The following ERC2 variants were observed in gnomAD, a reference collection of about 807,000 sequenced individuals.
ERC2 encodes the protein ELKS/RAB6-interacting/CAST family member 2.
Under a neutral mutation model 114.8 loss-of-function variants are expected in ERC2, and 42 were observed. The observed-to-expected ratio is 0.37, with a 90% CI of 0.29 to 0.47. ERC2 has a LOEUF of 0.47. Among genes scored for constraint, ERC2 ranks in the 20% least tolerant of loss-of-function variants. The probability of loss-of-function intolerance (pLI) is 0.99; values close to 1 mark genes in which losing one functional copy is unlikely to be tolerated. For missense variants in ERC2, 939 were observed against 1,150.7 expected, an observed-to-expected ratio of 0.82 and a Z score of 2.66; for synonymous variants, 454 against 425.5, an observed-to-expected ratio of 1.07 and a Z score of -0.82.
intron 7 of ERC2, 50 bp from the exon 8 acceptor site, chr3:56,019,081 G>T (rs754015525): frequency 5.5e-5 from 79 of 1,424,034 alleles, no homozygotes; most frequent in Non-Finnish European, 4.6e-5. Flanking sequence ...CATATCCTAG[G>T]CCAAAATTCC....
chr3:55,681,578 G>T (rs1340978362), intron 17 of ERC2, among the ~76,000 whole-genome samples: 4 of 152,142 alleles, frequency 2.6e-5, no homozygotes, highest in Non-Finnish European at 5.9e-5. Flanking sequence ...TAAAGATATG[G>T]TTTTAAAAGC....
At chr3:56,387,908 G>C (rs1251928083) in intron 2 of ERC2, among the ~76,000 whole-genome samples, 1 of 152,032 alleles carries the variant, frequency 6.6e-6, no homozygotes, top group South Asian at 2.1e-4. Context: ...GGTGTGTTAG[G>C]GAAAGTTAAA....
chr3:55,557,696 C>T (rs1166961945), intron 17 of ERC2, among the ~76,000 whole-genome samples: 1 of 152,254 alleles, frequency 6.6e-6, no homozygotes, highest in East Asian at 1.9e-4. Context: ...CAGTCAAAAC[C>T]TTACATGGTC....
At chr3:56,390,602 A>G (rs1034965285) in intron 2 of ERC2, among the ~76,000 whole-genome samples, 7 of 152,196 alleles carry the variant, frequency 4.6e-5, no homozygotes, top group African/African-American at 1.7e-4. Flanking sequence ...TGGCAGTACA[A>G]TATTTGTCAT....
At chr3:55,604,199 C>G (rs1300269195) in intron 17 of ERC2, among the ~76,000 whole-genome samples, 2 of 151,954 alleles carry the variant, frequency 1.3e-5, no homozygotes, top group Non-Finnish European at 2.9e-5. Flanking sequence ...TTTTGAGGGC[C>G]AGATCTGTGT....
chr3:56,059,176 C>T (rs1226824116), intron 7 of ERC2, among the ~76,000 whole-genome samples: 2 of 151,920 alleles, frequency 1.3e-5, no homozygotes, highest in African/African-American at 2.4e-5. Context: ...CTGCAACCTC[C>T]GCCCCCCAGG....
intron 16 of ERC2, among the ~76,000 whole-genome samples, chr3:55,685,039 T>C (rs994590099): frequency 1.1e-4 from 16 of 152,252 alleles, no homozygotes; most frequent in Admixed American, 1.0e-3. Flanking sequence ...AATAGCAGTT[T>C]CATACAGTTC....
intron 17 of ERC2, among the ~76,000 whole-genome samples, chr3:55,565,798 T>A (rs1196428963): frequency 6.6e-6 from 1 of 152,134 alleles, no homozygotes; most frequent in African/African-American, 2.4e-5. Flanking sequence ...TCAGAAATAA[T>A]CATTTGATTT....
intron 14 of ERC2, among the ~76,000 whole-genome samples, chr3:55,877,700 A>AC (rs2062927661): frequency 6.6e-6 from 1 of 151,508 alleles, no homozygotes; most frequent in African/African-American, 2.4e-5. Flanking sequence ...TTTTGTAGAG[A>AC]CAGGGTTTTG....
intron 17 of ERC2, among the ~76,000 whole-genome samples, chr3:55,525,117 G>A (rs1204452017): frequency 6.6e-6 from 1 of 152,208 alleles, no homozygotes; most frequent in Non-Finnish European, 1.5e-5. Flanking sequence ...ATTTCTCTGA[G>A]TATTGGCTTG....
intron 14 of ERC2, among the ~76,000 whole-genome samples, chr3:55,837,170 G>C (rs1244487169): frequency 6.6e-6 from 1 of 152,172 alleles, no homozygotes; most frequent in African/African-American, 2.4e-5. Context: ...CTGTAAACTA[G>C]TTCAACCATT....
chr3:56,442,284 G>A (rs899996654), intron 1 of ERC2, among the ~76,000 whole-genome samples: 3 of 152,042 alleles, frequency 2.0e-5, no homozygotes, highest in African/African-American at 4.8e-5. Flanking sequence ...GCAGTGGAGC[G>A]AACTCGCCTC....
intron 17 of ERC2, among the ~76,000 whole-genome samples, chr3:55,543,290 G>C (rs1459918464): frequency 6.6e-6 from 1 of 152,204 alleles, no homozygotes; most frequent in African/African-American, 2.4e-5. Context: ...CAGGGAGACA[G>C]GGTTACATCA....
intron 14 of ERC2, among the ~76,000 whole-genome samples, chr3:55,776,139 A>AG (rs1412424762): frequency 7.4e-5 from 11 of 149,116 alleles, no homozygotes; most frequent in South Asian, 2.1e-4. Context: ...TTAGAATGTT[A>AG]TTTGTTGTTG....
intron 2 of ERC2, among the ~76,000 whole-genome samples, chr3:56,313,825 G>T (rs889607780): frequency 6.6e-6 from 1 of 152,170 alleles, no homozygotes; most frequent in Non-Finnish European, 1.5e-5. Flanking sequence ...GTTGCTTAAA[G>T]GTCCACAGCA....
intron 17 of ERC2, among the ~76,000 whole-genome samples, chr3:55,538,469 C>T (rs1478994350): frequency 6.6e-6 from 1 of 152,248 alleles, no homozygotes; most frequent in African/African-American, 2.4e-5. Flanking sequence ...TCCTGTCCCA[C>T]ACTGGGGACT....
intron 17 of ERC2, among the ~76,000 whole-genome samples, chr3:55,520,734 T>A (rs1348177015): frequency 6.6e-6 from 1 of 152,206 alleles, no homozygotes; most frequent in African/African-American, 2.4e-5. Flanking sequence ...ATTATCTTCA[T>A]GATAATAAGC....
At chr3:56,038,306 C>T (rs6772984) in intron 7 of ERC2, among the ~76,000 whole-genome samples, 41,797 of 152,050 alleles carry the variant, frequency 0.27, 7,324 homozygotes, top group Middle Eastern at 0.39. Flanking sequence ...AGAAGACACA[C>T]ATGTGGCCAA....
At chr3:56,041,312 C>T (rs1016272386) in intron 7 of ERC2, among the ~76,000 whole-genome samples, 1 of 152,060 alleles carries the variant, frequency 6.6e-6, no homozygotes, top group Non-Finnish European at 1.5e-5. Context: ...GTCTCCTCCC[C>T]GGGTCACTGA....
Sources: gnomAD v4.1 joint callset for allele counts (sites outside exome capture counted in the v4.1 genomes callset) on GRCh38, gnomAD v4.1.1 for gene constraint, MANE v1.5 for transcripts, NCBI Gene and HGNC (gene_info 2026-07-23, HGNC 2026-07-21) for gene names.